Variants in EPHB1 observed in about 807,000 individuals in gnomAD.
EPHB1 encodes the protein ephrin type-B receptor 1.
Under a neutral mutation model 94.4 loss-of-function variants are expected in EPHB1, and 30 were observed. The ratio of observed to expected loss-of-function variants is 0.32; its 90% CI spans 0.24 to 0.43. The LOEUF (loss-of-function observed/expected upper bound fraction) is 0.43, where lower values mean the gene tolerates loss of function less well. EPHB1 is among the 20% of genes least tolerant of loss of function. EPHB1 has a pLI of 1.00. For missense variants in EPHB1, 1,055 were observed against 1,308.3 expected, an observed-to-expected ratio of 0.81 and a Z score of 2.99; for synonymous variants, 522 against 489.1, an observed-to-expected ratio of 1.07 and a Z score of -0.89.
chr3:135,102,592 A>G (rs980317517), intron 3 of EPHB1, among the ~76,000 whole-genome samples: 2 of 152,246 alleles, frequency 1.3e-5, no homozygotes, highest in Non-Finnish European at 2.9e-5. Context: ...ATGAGAAAGT[A>G]TAGCACAACA....
chr3:134,899,756 C>G (rs934501994), intron 1 of EPHB1, among the ~76,000 whole-genome samples: 2 of 152,180 alleles, frequency 1.3e-5, no homozygotes, highest in Admixed American at 6.5e-5. Context: ...CTCACTGCAG[C>G]CTTGAACTCC....
intron 1 of EPHB1, among the ~76,000 whole-genome samples, chr3:134,865,622 AT>A (rs1253205203): frequency 6.6e-6 from 1 of 152,026 alleles, no homozygotes; most frequent in African/African-American, 2.4e-5. Flanking sequence ...AAAATGAAAC[AT>A]CAGCACAATG....
intron 4 of EPHB1, among the ~76,000 whole-genome samples, chr3:135,121,352 A>G (rs1939954283): frequency 6.6e-6 from 1 of 152,180 alleles, no homozygotes; most frequent in African/African-American, 2.4e-5. Flanking sequence ...CTGTATCAGG[A>G]TATGCTAAAT....
chr3:135,071,354 A>G (rs1486303654), intron 3 of EPHB1, among the ~76,000 whole-genome samples: 1 of 152,204 alleles, frequency 6.6e-6, no homozygotes, highest in Non-Finnish European at 1.5e-5. Flanking sequence ...ACAGGTACAG[A>G]TTTGGGAGCT....
intron 1 of EPHB1, among the ~76,000 whole-genome samples, chr3:134,872,605 C>A (rs1290198383): frequency 1.3e-5 from 2 of 152,220 alleles, no homozygotes; most frequent in Non-Finnish European, 2.9e-5. Context: ...GACAATCCAA[C>A]TAACAATATC....
chr3:135,072,736 C>G (rs1208650727), intron 3 of EPHB1, among the ~76,000 whole-genome samples: 1 of 152,212 alleles, frequency 6.6e-6, no homozygotes, highest in Non-Finnish European at 1.5e-5. Flanking sequence ...ATCTTTGTTA[C>G]CACATTTTAT....
At chr3:135,190,607 T>C (rs948199800) in intron 10 of EPHB1, among the ~76,000 whole-genome samples, 6 of 152,248 alleles carry the variant, frequency 3.9e-5, no homozygotes, top group Admixed American at 2.0e-4. Context: ...CTAGTACTTT[T>C]CTTTAAATTT....
intron 3 of EPHB1, among the ~76,000 whole-genome samples, chr3:134,994,342 C>T (rs952231353): frequency 2.0e-5 from 3 of 152,200 alleles, no homozygotes; most frequent in Admixed American, 1.3e-4. Context: ...CTCTCCCTGT[C>T]TGCACTGCTT....
At position 134,951,416 on chromosome 3, in the gene EPHB1, A is replaced by G; in HGVS notation, c.169A>G (p.Thr57Ala). The stretch of plus-strand genomic sequence containing the variant: ...CGATGAAAACCTGAACACCATCCGC[A>G]CCTACCAGGTGTGCAATGTCTTCGA... ...GYDENLNTIR[T>A]YQVCNVFEPN... is the part of the protein sequence containing the mutation. Residue 57 changes from threonine (T) to alanine (A), a missense_variant, in exon 3 of 16, where the codon ACC becomes GCC. Thr to Ala is a moderately conservative substitution (Grantham distance 58). Coordinates refer to ENST00000398015, the MANE Select transcript of EPHB1 (RefSeq NM_004441.5). This position sits in a 1 kb window ranked among gnomAD's most constrained non-coding sequence, Gnocchi z 4.5. 6.2e-7 allele frequency: 1 copy of G among 1,600,270 alleles called. No homozygotes were observed. Among genetic ancestry groups the G allele is most frequent in the Non-Finnish European group, 8.5e-7 (1 of 1,172,076 alleles).
At chr3:135,100,351 A>G (rs1938991934) in intron 3 of EPHB1, among the ~76,000 whole-genome samples, 1 of 152,204 alleles carries the variant, frequency 6.6e-6, no homozygotes, top group South Asian at 2.1e-4. Context: ...TGAGGTCTCC[A>G]TTTTATCTTC....
Position 134,952,133 on chromosome 3 carries a change from A to T in EPHB1, c.805+81A>T, listed in dbSNP as rs566836836. 40 of 1,415,224 alleles carry T rather than the reference A, an allele frequency of 2.8e-5. No individual in the cohort carries two copies. The African/African-American group carries it at 5.2e-4, about 18-fold the overall frequency. 87.7% of individuals were successfully genotyped at this position (1,415,224 alleles called of 1,614,324 possible). On this transcript the variant is annotated intron_variant, in intron 3 of 15. Coordinates refer to ENST00000398015, the MANE Select transcript of EPHB1 (RefSeq NM_004441.5). ...GTTTCCCCACCAATAATTCTGGGTC[A>T]TACAGGAACAGAAAATAGTCTAATG...
chr3:135,166,111 C>A (rs1434171520), intron 8 of EPHB1, 35 bp downstream of exon 8: 1 of 1,528,846 alleles, frequency 6.5e-7, no homozygotes, highest in East Asian at 2.3e-5. Context: ...CTCCTTGGAC[C>A]CAGGAAGCCC....
chr3:135,117,992 C>T (rs1939781961), intron 4 of EPHB1, among the ~76,000 whole-genome samples: 3 of 152,192 alleles, frequency 2.0e-5, no homozygotes, highest in Non-Finnish European at 4.4e-5. Context: ...ATGGTCACTG[C>T]CATGCCCTGC....
intron 1 of EPHB1, among the ~76,000 whole-genome samples, chr3:134,873,504 G>A (rs1219870222): frequency 6.6e-6 from 1 of 152,238 alleles, no homozygotes; most frequent in Admixed American, 6.5e-5. Flanking sequence ...TGCAGTAATA[G>A]TGTATATATT....
intron 2 of EPHB1, among the ~76,000 whole-genome samples, chr3:134,946,794 C>CCTT (rs3067406): frequency 0.56 from 85,581 of 151,668 alleles, 26,031 homozygotes; most frequent in African/African-American, 0.79. Flanking sequence ...GCCTGCTCCT[C>CCTT]CACCTTCCTC....
chr3:134,886,471 C>T (rs1163250362), intron 1 of EPHB1, among the ~76,000 whole-genome samples: 1 of 152,080 alleles, frequency 6.6e-6, no homozygotes, highest in African/African-American at 2.4e-5. Flanking sequence ...GAATCAAATT[C>T]GGAGATTATT....
chr3:135,147,118 G>A (rs990947139), intron 5 of EPHB1, among the ~76,000 whole-genome samples: 2 of 152,200 alleles, frequency 1.3e-5, no homozygotes, highest in African/African-American at 2.4e-5. Flanking sequence ...GCAGCACCTG[G>A]AGGGCCCTGA....
intron 1 of EPHB1, among the ~76,000 whole-genome samples, chr3:134,838,274 A>G (rs1042423672): frequency 6.6e-6 from 1 of 152,174 alleles, no homozygotes; most frequent in African/African-American, 2.4e-5. Flanking sequence ...CTAAGAGATA[A>G]TTTAATCTGT....
chr3:135,235,325 G>A (rs767937821), intron 12 of EPHB1, among the ~76,000 whole-genome samples: 1 of 152,202 alleles, frequency 6.6e-6, no homozygotes, highest in Non-Finnish European at 1.5e-5. Flanking sequence ...TATGCCAGCA[G>A]TTCTCAAAGT....
Sources: allele counts gnomAD v4.1 joint callset (sites outside exome capture counted in the v4.1 genomes callset), GRCh38; gene constraint gnomAD v4.1.1; non-coding constraint Gnocchi (gnomAD v3.1); transcripts MANE v1.5; gene names NCBI Gene and HGNC (gene_info 2026-07-23, HGNC 2026-07-21).